Variants in TRMT11 observed in about 807,000 individuals in gnomAD.
The protein encoded by TRMT11 is tRNA (guanine(10)-N(2))-methyltransferase TRMT11.
A neutral mutation model predicts 62.8 loss-of-function variants in TRMT11; 53 were observed. The ratio of observed to expected loss-of-function variants is 0.84; its 90% CI spans 0.68 to 1.06. TRMT11 has a LOEUF of 1.06. Among genes scored for constraint, TRMT11 ranks in the 50% least tolerant of loss-of-function variants. The pLI is 0.00. For missense variants in TRMT11, 556 were observed against 553.4 expected (o/e 1.00, Z -0.05); for synonymous variants, 188 against 190.3 (o/e 0.99, Z 0.10).
the TRMT11 span, among the ~76,000 whole-genome samples, chr6:126,260,290 A>G: frequency 6.6e-6 from 1 of 152,208 alleles, no homozygotes; most frequent in African/African-American, 2.4e-5. Flanking sequence ...AGCTGATAGC[A>G]ACTTAACCTT....
At chr6:126,129,698 T>A (rs12197392) in intron 21 of TRMT11, among the ~76,000 whole-genome samples, 38,237 of 151,752 alleles carry the variant, frequency 0.25, 5,281 homozygotes, top group Middle Eastern at 0.37. Context: ...TTAAAAAAAA[T>A]TTTTTTTATG....
intron 2 of TRMT11, among the ~76,000 whole-genome samples, chr6:125,995,719 G>A (rs1315547961): frequency 6.6e-6 from 1 of 152,018 alleles, no homozygotes; most frequent in Non-Finnish European, 1.5e-5. Flanking sequence ...TACATAAAAG[G>A]GCAGATACAA....
chr6:126,207,887 A>G (rs1334427533), downstream of TRMT11, among the ~76,000 whole-genome samples: 1 of 152,244 alleles, frequency 6.6e-6, no homozygotes, highest in East Asian at 1.9e-4. Flanking sequence ...AAAACTAAAG[A>G]CATTGATTAA....
chr6:126,214,833 T>G, the TRMT11 span, among the ~76,000 whole-genome samples: 1 of 152,016 alleles, frequency 6.6e-6, no homozygotes, highest in East Asian at 1.9e-4. Flanking sequence ...GGTTGTTTAT[T>G]TGAAGGCTTT....
the TRMT11 span, among the ~76,000 whole-genome samples, chr6:126,217,828 T>C: frequency 6.6e-6 from 1 of 152,132 alleles, no homozygotes; most frequent in East Asian, 1.9e-4. Flanking sequence ...GTGTCCTTCC[T>C]TTCAGGGCGG....
chr6:126,257,671 T>G, the TRMT11 span, among the ~76,000 whole-genome samples: 1 of 152,176 alleles, frequency 6.6e-6, no homozygotes. Flanking sequence ...TTATTTTTAT[T>G]TTTTAGCTGC....
At chr6:126,141,938 A>G (rs1481563117) in intron 21 of TRMT11, among the ~76,000 whole-genome samples, 7 of 152,066 alleles carry the variant, frequency 4.6e-5, no homozygotes, top group Non-Finnish European at 8.8e-5. Flanking sequence ...TCTACCAGGG[A>G]AAGTGCTTCC....
At chr6:126,256,968 C>A in the TRMT11 span, among the ~76,000 whole-genome samples, 1 of 152,098 alleles carries the variant, frequency 6.6e-6, no homozygotes, top group Non-Finnish European at 1.5e-5. Flanking sequence ...TCACTGCAAC[C>A]TCCACCTCCC....
chr6:126,174,258 C>T (rs1778361058), upstream of TRMT11, among the ~76,000 whole-genome samples: 1 of 152,120 alleles, frequency 6.6e-6, no homozygotes, highest in South Asian at 2.1e-4. Context: ...GACTCCAAAC[C>T]CAGAAAAGTC....
intron 17 of TRMT11, among the ~76,000 whole-genome samples, chr6:126,101,877 A>G (rs746266690): frequency 2.0e-5 from 3 of 152,238 alleles, no homozygotes; most frequent in Non-Finnish European, 4.4e-5. Flanking sequence ...CATCTCAAAT[A>G]TACCAAGATG....
intron 16 of TRMT11, among the ~76,000 whole-genome samples, chr6:126,052,863 T>C (rs1426736001): frequency 6.6e-6 from 1 of 152,212 alleles, no homozygotes; most frequent in Non-Finnish European, 1.5e-5. Flanking sequence ...TGTTTTTGCC[T>C]CCAGTCTGTC....
chr6:126,106,287 G>T (rs1777463538), intron 17 of TRMT11, among the ~76,000 whole-genome samples: 1 of 152,024 alleles, frequency 6.6e-6, no homozygotes, highest in Admixed American at 6.6e-5. Flanking sequence ...GGGATTACAG[G>T]CGCCTGCCAC....
chr6:126,151,826 CTTT>C (rs1562334723), intron 21 of TRMT11, among the ~76,000 whole-genome samples: 2 of 76,130 alleles, frequency 2.6e-5, no homozygotes, highest in African/African-American at 6.7e-5. Context: ...TTCTTTCTTT[CTTT>C]CTTTCTTTCT....
chr6:126,011,370 A>C lies in TRMT11; in HGVS notation c.878A>C (p.Lys293Thr). 1 of 1,613,316 alleles carries C rather than the reference A, an allele frequency of 6.2e-7. No individual in the cohort carries two copies. The highest frequency in any genetic ancestry group is 2.2e-5 in the East Asian group (1 of 44,818). The change falls in exon 9 of 13, where the codon AAA becomes ACA. Residue 293 changes from lysine to threonine, a missense_variant. Coordinates refer to ENST00000334379, the MANE Select transcript of TRMT11 (RefSeq NM_001031712.3). ...GATGTCCTGGTTTCAGATGCATCTA[A>C]ACCTTCCTGGAGGAAGGGCACATAT... Reference protein sequence around the residue: ...YLDVLVSDASKPSWRKGTYFD... With the variant: ...YLDVLVSDASTPSWRKGTYFD...
At chr6:126,264,173 G>C in the TRMT11 span, among the ~76,000 whole-genome samples, 1 of 152,118 alleles carries the variant, frequency 6.6e-6, no homozygotes, top group East Asian at 1.9e-4. Flanking sequence ...TCCATTGTAA[G>C]CATGGAGAGT....
intron 17 of TRMT11, among the ~76,000 whole-genome samples, chr6:126,058,563 C>G (rs1776437855): frequency 6.6e-6 from 1 of 152,146 alleles, no homozygotes; most frequent in Admixed American, 6.6e-5. Flanking sequence ...CTAATTTACA[C>G]TCCTACCAAC....
rs533931687 is a variant in TRMT11 at position 126,185,663 on chromosome 6, T to C, written n.143+8328T>C. On this transcript the variant is annotated intron_variant and non_coding_transcript_variant, in intron 1 of 3. Coordinates refer to the TRMT11 transcript ENST00000444229. ...ATAATTTAAGATAATGGCTTTAGGG[T>C]TTAGTTAGCCCTTTTTATTAGTCTG... Among the ~76,000 whole-genome samples, 4 of 152,192 alleles carry C rather than the reference T, an allele frequency of 2.6e-5. No individual in the cohort carries two copies. In the South Asian group the frequency reaches 6.2e-4, roughly 24 times the overall value.
At chr6:126,143,231 A>G (rs116595358) in intron 21 of TRMT11, among the ~76,000 whole-genome samples, 2,819 of 152,220 alleles carry the variant, frequency 0.019, 81 homozygotes, top group African/African-American at 0.063. Flanking sequence ...TACAAATATA[A>G]TTGTGGGTCA....
the TRMT11 span, among the ~76,000 whole-genome samples, chr6:126,269,133 G>A: frequency 1.3e-5 from 2 of 149,466 alleles, no homozygotes; most frequent in Non-Finnish European, 1.5e-5. Context: ...GCGTAGTGGC[G>A]GGCGCCTGTA....
Sources: allele counts gnomAD v4.1 joint callset (sites outside exome capture counted in the v4.1 genomes callset), GRCh38; gene constraint gnomAD v4.1.1; transcripts MANE v1.5; gene names NCBI Gene and HGNC (gene_info 2026-07-23, HGNC 2026-07-21).